Variants in PRKCZ observed in about 807,000 individuals in gnomAD.
PRKCZ encodes protein kinase C zeta type.
In PRKCZ, 33 loss-of-function variants were observed where a neutral mutation model predicts 79.5. The ratio of observed to expected loss-of-function variants is 0.41; its 90% CI spans 0.31 to 0.55. PRKCZ has a LOEUF of 0.55. PRKCZ is among the 20% of genes least tolerant of loss of function. The probability of loss-of-function intolerance (pLI) is 0.19; values close to 1 mark genes in which losing one functional copy is unlikely to be tolerated. For missense variants in PRKCZ, 578 were observed against 813.5 expected (o/e 0.71, Z 3.52); for synonymous variants, 342 against 320.9 (o/e 1.07, Z -0.70).
chr1:2,173,927 T>G lies in PRKCZ; in HGVS notation c.1316T>G (p.Val439Gly). Residue 439 changes from valine to glycine, a missense_variant, in exon 14 of 18, where the codon GTC (valine) becomes GGC (glycine). Physicochemically the swap from Val to Gly is moderately radical, Grantham distance 109. Coordinates refer to ENST00000378567, the MANE Select transcript of PRKCZ (RefSeq NM_002744.6). The surrounding 1 kb of genome is among the most constrained non-coding windows in gnomAD (Gnocchi z 5.7). ...GFSVDWWALG[V>G]LMFEMMAGRS... ...AGCGTGGACTGGTGGGCGCTGGGAG[T>G]CCTCATGTTTGAGATGATGGCCGGG... is the stretch of plus-strand genomic sequence containing the variant. The G allele has an allele frequency of 6.2e-7, 1 of 1,611,550 alleles. No individual in the cohort carries two copies. Among genetic ancestry groups the G allele is most frequent in the Non-Finnish European group, 8.5e-7 (1 of 1,178,972 alleles).
At chr1:2,160,547 G>T (rs1217565756) in intron 10 of PRKCZ, among the ~76,000 whole-genome samples, 1 of 152,194 alleles carries the variant, frequency 6.6e-6, no homozygotes, top group Admixed American at 6.5e-5. Context: ...AGGGGCTTTC[G>T]AAGCTGGACT....
At chr1:2,116,298 C>T (rs1003970489) in intron 4 of PRKCZ, 4 of 152,236 alleles carry the variant, frequency 2.6e-5, no homozygotes, top group Admixed American at 2.0e-4. Flanking sequence ...GCTGTGGCCT[C>T]GCGACGGCTG....
At chr1:2,108,464 G>A (rs1571437967) in intron 4 of PRKCZ, among the ~76,000 whole-genome samples, 1 of 152,306 alleles carries the variant, frequency 6.6e-6, no homozygotes, top group East Asian at 1.9e-4. Context: ...GCTCCGAGGC[G>A]CCACCGCTGT....
intron 4 of PRKCZ, among the ~76,000 whole-genome samples, chr1:2,060,532 T>C (rs971115421): frequency 6.7e-6 from 1 of 149,274 alleles, no homozygotes; most frequent in African/African-American, 2.4e-5. Context: ...TGGGGCTGAA[T>C]AGAGGTTTGG....
At chr1:2,153,405 G>A (rs1680289588) in intron 9 of PRKCZ, among the ~76,000 whole-genome samples, 2 of 152,266 alleles carry the variant, frequency 1.3e-5, no homozygotes, top group African/African-American at 4.8e-5. Flanking sequence ...GGCCACAGAG[G>A]GGGTCCCTCC....
At chr1:2,106,086 G>A (rs1439492645) in intron 4 of PRKCZ, among the ~76,000 whole-genome samples, 1 of 152,234 alleles carries the variant, frequency 6.6e-6, no homozygotes, top group Non-Finnish European at 1.5e-5. Flanking sequence ...GGAGATGAGG[G>A]CCTCGCCCAG....
chr1:2,055,534 G>GCTCACC lies in PRKCZ; in HGVS notation c.170_175dup (p.Thr57_Leu58dup). The GCTCACC allele has an allele frequency of 1.9e-6, 3 of 1,614,028 alleles. No homozygotes were observed. Among genetic ancestry groups the GCTCACC allele is most frequent in the Non-Finnish European group, 2.5e-6 (3 of 1,179,968 alleles). ...TGTGTCGTCTGCACCAGCAGCACCC[G>GCTCACC]CTCACCCTCAAGTGGGTGGACAGCG... is the stretch of plus-strand genomic sequence containing the variant. On this transcript the variant is annotated inframe_insertion, in exon 2 of 18. Coordinates refer to ENST00000378567, the MANE Select transcript of PRKCZ (RefSeq NM_002744.6).
chr1:2,118,713 CTGTGTGTGTG>C (rs770283606), intron 4 of PRKCZ, among the ~76,000 whole-genome samples: 9 of 120,626 alleles, frequency 7.5e-5, no homozygotes, highest in Non-Finnish European at 1.2e-4. Context: ...CACACCAGCT[CTGTGTGTGTG>C]TGTGTGTGTG....
intron 4 of PRKCZ, among the ~76,000 whole-genome samples, chr1:2,114,566 G>C (rs1170508491): frequency 6.6e-6 from 1 of 152,194 alleles, no homozygotes; most frequent in African/African-American, 2.4e-5. Context: ...ACGAGGTCAG[G>C]AGTTTGAGAC....
At chr1:2,112,691 G>GT (rs147375796) in intron 4 of PRKCZ, among the ~76,000 whole-genome samples, 51 of 146,494 alleles carry the variant, frequency 3.5e-4, no homozygotes, top group Middle Eastern at 3.5e-3. Context: ...TGGTTGGTTG[G>GT]TTTTTTTTTT....
chr1:2,081,201 C>T (rs990973862), intron 4 of PRKCZ, among the ~76,000 whole-genome samples: 1 of 152,236 alleles, frequency 6.6e-6, no homozygotes, highest in African/African-American at 2.4e-5. Flanking sequence ...TTAATTATTC[C>T]TTTCTGTTCA....
chr1:2,081,813 C>T (rs947657987), intron 4 of PRKCZ, among the ~76,000 whole-genome samples: 1 of 151,704 alleles, frequency 6.6e-6, no homozygotes, highest in Non-Finnish European at 1.5e-5. Flanking sequence ...CCACACCCCA[C>T]CACTGCCGCC....
At chr1:2,175,108 C>A (rs1326610583) in intron 15 of PRKCZ, 116 bp from the exon 16 acceptor site, 1 of 886,242 alleles carries the variant, frequency 1.1e-6, no homozygotes, top group African/African-American at 1.7e-5. Context: ...TTTCCACCAC[C>A]TGGGTCAGAG....
At chr1:2,108,959 G>A (rs1272382089) in intron 4 of PRKCZ, among the ~76,000 whole-genome samples, 1 of 152,152 alleles carries the variant, frequency 6.6e-6, no homozygotes, top group Non-Finnish European at 1.5e-5. Context: ...GGCGTCTGAA[G>A]CCGCCTGCCC....
At chr1:2,132,624 G>A (rs977086242) in intron 4 of PRKCZ, among the ~76,000 whole-genome samples, 1 of 152,244 alleles carries the variant, frequency 6.6e-6, no homozygotes, top group African/African-American at 2.4e-5. Flanking sequence ...CCTGCTCTGG[G>A]CTTCTGTTCC....
intron 5 of PRKCZ, among the ~76,000 whole-genome samples, chr1:2,137,312 C>T (rs1000472957): frequency 1.3e-5 from 2 of 152,184 alleles, no homozygotes; most frequent in South Asian, 4.1e-4. Flanking sequence ...GCTGATTGGA[C>T]GCCACCGCCC....
chr1:2,066,974 C>G (rs1661172604), intron 4 of PRKCZ, among the ~76,000 whole-genome samples: 1 of 152,188 alleles, frequency 6.6e-6, no homozygotes, highest in African/African-American at 2.4e-5. Context: ...TGTTGTGTTT[C>G]TGTTTTCATT....
chr1:2,064,659 G>A (rs952662380), intron 4 of PRKCZ, among the ~76,000 whole-genome samples: 5 of 152,124 alleles, frequency 3.3e-5, no homozygotes, highest in Admixed American at 6.5e-5. Context: ...GTTGAAAATC[G>A]TTTCACCATA....
At chr1:2,051,436 G>A (rs1304360563) in intron 1 of PRKCZ, among the ~76,000 whole-genome samples, 1 of 152,252 alleles carries the variant, frequency 6.6e-6, no homozygotes, top group African/African-American at 2.4e-5. Flanking sequence ...AGTGTGGGCG[G>A]TGGGGAGGGG....
Sources: allele counts gnomAD v4.1 joint callset (sites outside exome capture counted in the v4.1 genomes callset), GRCh38; gene constraint gnomAD v4.1.1; non-coding constraint Gnocchi (gnomAD v3.1); transcripts MANE v1.5; gene names NCBI Gene and HGNC (gene_info 2026-07-23, HGNC 2026-07-21).